ESR1: variants seen among roughly 807,000 people sequenced by gnomAD.
The protein encoded by ESR1 is estrogen receptor.
Under a neutral mutation model 52.7 loss-of-function variants are expected in ESR1, and 12 were observed. That is an observed-to-expected ratio of 0.23 (90% CI 0.15 to 0.37). The LOEUF is 0.37. Ranked by LOEUF, ESR1 falls within the 10% of genes least tolerant of loss-of-function variation. The pLI is 1.00. For synonymous variants in ESR1, 305 were observed against 316.8 expected, an observed-to-expected ratio of 0.96 and a Z score of 0.39; for missense variants, 584 against 779.7, an observed-to-expected ratio of 0.75 and a Z score of 2.99.
At chr6:152,068,096 G>A (rs910347679) in intron 6 of ESR1, among the ~76,000 whole-genome samples, 2 of 152,190 alleles carry the variant, frequency 1.3e-5, no homozygotes, top group African/African-American at 4.8e-5. Context: ...CATGCCTGGG[G>A]CAGACTCCTG....
intron 6 of ESR1, among the ~76,000 whole-genome samples, chr6:152,109,182 C>G (rs1185939839): frequency 6.6e-6 from 1 of 152,154 alleles, no homozygotes; most frequent in Non-Finnish European, 1.5e-5. Context: ...AACTCCGTCC[C>G]ATGATCCAAT....
At chr6:151,907,149 AT>A (rs1244443942) in intron 3 of ESR1, among the ~76,000 whole-genome samples, 2 of 151,988 alleles carry the variant, frequency 1.3e-5, no homozygotes, top group Admixed American at 6.6e-5. Context: ...TGTCTTTATA[AT>A]TACTTTGACT....
intron 2 of ESR1, among the ~76,000 whole-genome samples, chr6:151,739,964 C>A (rs1189603303): frequency 1.3e-5 from 2 of 152,172 alleles, no homozygotes. Flanking sequence ...ATGTGAGGGG[C>A]AGCACACTGG....
chr6:152,112,139 C>A (rs920774285), intron 6 of ESR1, among the ~76,000 whole-genome samples: 15 of 152,158 alleles, frequency 9.9e-5, no homozygotes, highest in African/African-American at 3.6e-4. Flanking sequence ...TCACAAGAAC[C>A]TGGGTCCAGG....
At chr6:151,894,715 C>T (rs1795204295) in intron 3 of ESR1, among the ~76,000 whole-genome samples, 1 of 152,126 alleles carries the variant, frequency 6.6e-6, no homozygotes, top group Non-Finnish European at 1.5e-5. Context: ...GGGTTTATTT[C>T]TCGGTTCTCT....
intron 5 of ESR1, among the ~76,000 whole-genome samples, chr6:152,022,990 A>G (rs1019820682): frequency 6.6e-5 from 10 of 151,814 alleles, no homozygotes; most frequent in South Asian, 2.1e-4. Context: ...AAAAAAAAAA[A>G]AGAGAGAAAA....
intron 3 of ESR1, among the ~76,000 whole-genome samples, chr6:151,906,079 AG>A (rs931009526): frequency 6.6e-6 from 1 of 152,208 alleles, no homozygotes; most frequent in African/African-American, 2.4e-5. Context: ...GTTAACAAAA[AG>A]TTAATGCTGG....
intron 2 of ESR1, among the ~76,000 whole-genome samples, chr6:151,853,039 G>T (rs748055733): frequency 6.6e-6 from 1 of 151,586 alleles, no homozygotes; most frequent in Non-Finnish European, 1.5e-5. Flanking sequence ...AGGCATGGTG[G>T]TGTGCACCTG....
intron 5 of ESR1, among the ~76,000 whole-genome samples, chr6:152,047,353 G>T (rs934149097): frequency 2.6e-5 from 4 of 152,024 alleles, no homozygotes; most frequent in Admixed American, 1.3e-4. Flanking sequence ...AAAATTCCTA[G>T]GTCATTAGTT....
At position 151,883,070 on chromosome 6, in the gene ESR1, G is replaced by C. The variant is rs542000739; in HGVS notation, c.760+2299G>C. ...AATTAATTTTCTCCCAATTCTGGAA[G>C]CTGGACATGCATAATCAAAGTGCTG... On this transcript the variant is annotated intron_variant, in intron 3 of 7. Coordinates refer to ENST00000206249, the MANE Select transcript of ESR1 (RefSeq NM_000125.4). Among the ~76,000 whole-genome samples the C allele has an allele frequency of 2.6e-5, 4 of 152,148 alleles. No individual in the cohort carries two copies. The South Asian group carries it at 8.3e-4, about 32-fold the overall frequency.
chr6:151,957,050 G>A (rs908995938), intron 4 of ESR1, among the ~76,000 whole-genome samples: 2 of 143,436 alleles, frequency 1.4e-5, no homozygotes, highest in East Asian at 4.0e-4. Context: ...CTAATTTTTT[G>A]TATTTTTTAG....
intron 3 of ESR1, among the ~76,000 whole-genome samples, chr6:151,902,060 A>C (rs1358141623): frequency 1.3e-5 from 2 of 152,146 alleles, no homozygotes; most frequent in East Asian, 3.8e-4. Flanking sequence ...CCAAATCCAA[A>C]CTTCTTGGCC....
intron 2 of ESR1, among the ~76,000 whole-genome samples, chr6:151,843,247 G>A (rs1252627685): frequency 1.3e-5 from 2 of 152,136 alleles, no homozygotes; most frequent in East Asian, 3.9e-4. Flanking sequence ...AGTTTAGCTT[G>A]TTCTCCCCTT....
intron 1 of ESR1, among the ~76,000 whole-genome samples, chr6:151,664,394 G>A (rs1438236872): frequency 6.6e-6 from 1 of 152,192 alleles, no homozygotes; most frequent in Non-Finnish European, 1.5e-5. Flanking sequence ...GAACCCAGTA[G>A]CTTATTGAAA....
chr6:152,089,221 A>ACTT (rs1369834660), intron 6 of ESR1, among the ~76,000 whole-genome samples: 4 of 152,252 alleles, frequency 2.6e-5, no homozygotes, highest in Non-Finnish European at 2.9e-5. Flanking sequence ...ACAAAAATGG[A>ACTT]CTTCTTATCA....
At chr6:151,720,594 C>A (rs764842203) in intron 2 of ESR1, among the ~76,000 whole-genome samples, 1 of 152,130 alleles carries the variant, frequency 6.6e-6, no homozygotes, top group Non-Finnish European at 1.5e-5. Flanking sequence ...AACTTATTTA[C>A]CCCAATTTTT....
rs192861665 is a variant in ESR1 at position 152,115,113 on chromosome 6, A to G, written c.851-10153A>G. Among the ~76,000 whole-genome samples the G allele has an allele frequency of 1.7e-3, 265 of 152,150 alleles. 2 individuals carry two copies. The highest frequency in any genetic ancestry group is 6.0e-3 in the African/African-American group (248 of 41,506). Reference sequence around the variant, plus strand: ...GCCTTATATTTCACATGTCTCTCCAAACTTTCACCTTGCTTCATGCCATTA... The same window carrying G: ...GCCTTATATTTCACATGTCTCTCCAGACTTTCACCTTGCTTCATGCCATTA... On this transcript the variant is annotated intron_variant, in intron 6 of 6. Coordinates refer to the ESR1 transcript ENST00000427531.
chr6:151,732,967 A>C (rs1326081649), intron 2 of ESR1, among the ~76,000 whole-genome samples: 1 of 152,152 alleles, frequency 6.6e-6, no homozygotes, highest in Non-Finnish European at 1.5e-5. Flanking sequence ...GATTTCTCTC[A>C]CCACCGTCAT....
At chr6:151,826,295 A>T (rs1014780737) in intron 1 of ESR1, among the ~76,000 whole-genome samples, 5 of 152,356 alleles carry the variant, frequency 3.3e-5, no homozygotes, top group African/African-American at 9.6e-5. Context: ...TTATAGGAAC[A>T]TAAGAGCGAA....
Sources: allele counts gnomAD v4.1 joint callset (sites outside exome capture counted in the v4.1 genomes callset), GRCh38; gene constraint gnomAD v4.1.1; transcripts MANE v1.5; gene names NCBI Gene and HGNC (gene_info 2026-07-23, HGNC 2026-07-21).